Variants in JRK observed in about 807,000 individuals in gnomAD.
JRK encodes jerky protein homolog.
For synonymous variants in JRK, 303 were observed against 218.1 expected (o/e 1.39, Z -3.43); for missense variants, 720 against 509.2 (o/e 1.41, Z -3.98).
Position 142,663,925 on chromosome 8 carries a change from AG to A in JRK, c.*426del. 1.0e-6 allele frequency: 1 copy of A among 998,886 alleles called. No individual in the cohort carries two copies. The highest frequency in any genetic ancestry group is 1.2e-6 in the Non-Finnish European group (1 of 839,304). 61.9% of individuals were successfully genotyped at this position (998,886 alleles called of 1,614,324 possible). ...GAGCCTTCTGAGACGAAGCCTGTCC[AG>A]GGGCGGTGGGCATGGCCTCCTGTCG... On this transcript the variant is annotated 3_prime_UTR_variant, in exon 2 of 2. Transcript: ENST00000612905.
At chr8:142,653,374 A>C (rs76511413), downstream of JRK, among the ~76,000 whole-genome samples, 5,353 of 152,174 alleles carry the variant, frequency 0.035, 119 homozygotes, top group Non-Finnish European at 0.053. Context: ...CTAGGATTGG[A>C]CTTTTAAGAT....
chr8:142,651,557 TTTG>T, the JRK span, among the ~76,000 whole-genome samples: 33 of 52,750 alleles, frequency 6.3e-4, no homozygotes, highest in East Asian at 7.9e-3. Flanking sequence ...TTTTTTTTTT[TTTG>T]GTGGGAATTT....
chr8:142,654,243 C>G (rs1296188053), downstream of JRK, among the ~76,000 whole-genome samples: 1 of 152,196 alleles, frequency 6.6e-6, no homozygotes, highest in Non-Finnish European at 1.5e-5. Flanking sequence ...TCTCACACTA[C>G]TCCAACCCTC....
Position 142,662,009 on chromosome 8 carries a change from G to A in JRK, c.*2343C>T, listed in dbSNP as rs1846931692. On this transcript the variant is annotated 3_prime_UTR_variant, in exon 2 of 2. Coordinates refer to ENST00000612905, the MANE Select transcript of JRK (RefSeq NM_003724.4). ...CACTCCAGCAGCGAGCCCAGGTGAGGAGGGGCTGCAGGAGGAGCAGGGCCC... is the reference window on the plus strand; with the variant it reads ...CACTCCAGCAGCGAGCCCAGGTGAGAAGGGGCTGCAGGAGGAGCAGGGCCC... The A allele has an allele frequency of 3.0e-6, 3 of 985,458 alleles. No individual in the cohort carries two copies. Among genetic ancestry groups the A allele is most frequent in the Admixed American group, 6.1e-5 (1 of 16,268 alleles). 61.0% of individuals were successfully genotyped at this position (985,458 alleles called of 1,614,324 possible).
In JRK at chr8:142,660,947, A is replaced by G; in HGVS notation, c.*3405T>C. ...CAACTGATGACAGTCCTCCAACCCCAGCGAGCTGGGGAAGCCGTGGGCAGG... is the reference window on the plus strand; with the variant it reads ...CAACTGATGACAGTCCTCCAACCCCGGCGAGCTGGGGAAGCCGTGGGCAGG... On this transcript the variant is annotated 3_prime_UTR_variant, in exon 2 of 2. Transcript: ENST00000612905. 9.1e-6 allele frequency: 9 copies of G among 985,464 alleles called. No homozygotes were observed. The highest frequency in any genetic ancestry group is 1.1e-5 in the Non-Finnish European group (9 of 829,984). 61.0% of individuals were successfully genotyped at this position (985,464 alleles called of 1,614,324 possible).
At chr8:142,644,614 T>C in the JRK span, among the ~76,000 whole-genome samples, 2 of 152,220 alleles carry the variant, frequency 1.3e-5, no homozygotes, top group African/African-American at 2.4e-5. Context: ...GTTTGTCAAA[T>C]GTCAAAGGTT....
chr8:142,669,285 G>C (rs1296444809), intron 1 of JRK, among the ~76,000 whole-genome samples: 1 of 151,882 alleles, frequency 6.6e-6, no homozygotes, highest in Non-Finnish European at 1.5e-5. Flanking sequence ...GAAGAGGTGA[G>C]CTGGGGGTCA....
rs1847276685 is a variant in JRK at position 142,669,945 on chromosome 8, A to G, written c.-476T>C. On this transcript the variant is annotated 5_prime_UTR_variant, in exon 1 of 2. Transcript: ENST00000612905. ...GACCCTACTCACCCTGCTCACCCGG[A>G]GCAGCCGCCGCCGGCCGGAAGTGCC... is the stretch of plus-strand genomic sequence containing the variant. 6.5e-6 allele frequency: 1 copy of G among 153,408 alleles called. No individual in the cohort carries two copies. The highest frequency in any genetic ancestry group is 1.5e-5 in the Non-Finnish European group (1 of 68,616). 9.5% of individuals were successfully genotyped at this position (153,408 alleles called of 1,614,324 possible).
rs6988393 is a variant in JRK at position 142,659,184 on chromosome 8, G to A, written c.*5168C>T. 0.61 allele frequency: 783,494 copies of A among 1,288,834 alleles called. 241,628 individuals carry two copies. Among genetic ancestry groups the A allele is most frequent in the Admixed American group, 0.68 (20,191 of 29,780 alleles). The allele number at this position is 1,288,834 out of a possible 1,614,324, so 79.8% of individuals were successfully genotyped here. On this transcript the variant is annotated 3_prime_UTR_variant, in exon 2 of 2. Coordinates refer to ENST00000612905, the MANE Select transcript of JRK (RefSeq NM_003724.4). Reference sequence around the variant, plus strand: ...CACTGAGCCTCATGGTCACCCCAGAGGACAGGCCTTCCTTTCACACACATC... The same window carrying A: ...CACTGAGCCTCATGGTCACCCCAGAAGACAGGCCTTCCTTTCACACACATC...
rs1368129335 is a variant in JRK, at chr8:142,663,152, C to T, written c.*1200G>A. On this transcript the variant is annotated 3_prime_UTR_variant, in exon 2 of 2. Coordinates refer to ENST00000612905, the MANE Select transcript of JRK (RefSeq NM_003724.4). ...TGGTCAACAGAGTGAGACCCTGCCT[C>T]AAGAAAAGAAAAGGACAATGCACCT... 1.0e-6 allele frequency: 1 copy of T among 985,044 alleles called. No individual in the cohort carries two copies. Among genetic ancestry groups the T allele is most frequent in the Non-Finnish European group, 1.2e-6 (1 of 829,650 alleles). 61.0% of individuals were successfully genotyped at this position (985,044 alleles called of 1,614,324 possible).
the JRK span, among the ~76,000 whole-genome samples, chr8:142,650,591 T>C: frequency 6.6e-6 from 1 of 152,252 alleles, no homozygotes; most frequent in Non-Finnish European, 1.5e-5. Context: ...GGAGTTTCTC[T>C]GCACAAACTC....
Position 142,669,383 on chromosome 8 carries a change from C to T in JRK, c.-463+549G>A, listed in dbSNP as rs72690913. Among the ~76,000 whole-genome samples, 869 of 152,152 alleles carry T rather than the reference C, an allele frequency of 5.7e-3. 5 individuals carry two copies. Among genetic ancestry groups the T allele is most frequent in the Non-Finnish European group, 7.2e-3 (488 of 67,990 alleles). ...AGCGCCCGAGAGCCGGCGCCGAGTT[C>T]CGCTAGGAGCCCTCCACGCTGGGGG... On this transcript the variant is annotated intron_variant, in intron 1 of 1. Transcript: ENST00000612905.
At chr8:142,653,461 C>T (rs138963039), downstream of JRK, among the ~76,000 whole-genome samples, 155 of 152,256 alleles carry the variant, frequency 1.0e-3, no homozygotes, top group Non-Finnish European at 1.7e-3. Context: ...GTGGCCTTGA[C>T]CTCCTGGGCT....
chr8:142,652,749 C>A (rs955311531), downstream of JRK, among the ~76,000 whole-genome samples: 2 of 152,154 alleles, frequency 1.3e-5, no homozygotes, highest in African/African-American at 4.8e-5. Context: ...TTTCCTTTCA[C>A]ATAATCAATT....
the JRK span, among the ~76,000 whole-genome samples, chr8:142,644,417 C>G: frequency 6.6e-6 from 1 of 152,090 alleles, no homozygotes; most frequent in Non-Finnish European, 1.5e-5. Context: ...GGAACACATA[C>G]CAATAACATA....
Position 142,660,541 on chromosome 8 carries a change from A to G in JRK, c.*3811T>C. The G allele has an allele frequency of 2.8e-6, 2 of 701,966 alleles. No homozygotes were observed. The highest frequency in any genetic ancestry group is 3.5e-6 in the Non-Finnish European group (2 of 572,196). 43.5% of individuals were successfully genotyped at this position (701,966 alleles called of 1,614,324 possible). ...CGGCCTCCTGAGTAGCTGGGGTTAC[A>G]GGCACATGCCACCACACCTGGCTCA... On this transcript the variant is annotated 3_prime_UTR_variant, in exon 2 of 2. Coordinates refer to ENST00000612905, the MANE Select transcript of JRK (RefSeq NM_003724.4).
In JRK at chr8:142,660,801, G is replaced by T. The variant is rs1846891313; in HGVS notation, c.*3551C>A. 1.0e-6 allele frequency: 1 copy of T among 985,492 alleles called. No individual in the cohort carries two copies. The highest frequency in any genetic ancestry group is 1.2e-6 in the Non-Finnish European group (1 of 830,004). The allele number at this position is 985,492 out of a possible 1,614,324, so 61.0% of individuals were successfully genotyped here. On this transcript the variant is annotated 3_prime_UTR_variant, in exon 2 of 2. Transcript: ENST00000612905. The stretch of plus-strand genomic sequence containing the variant: ...CAAGTTGTCGCTGCCCTGTGCCACA[G>T]CCTCCCAAGAATGGATGCAGTCTAC...
At chr8:142,649,995 C>T in the JRK span, among the ~76,000 whole-genome samples, 4,844 of 152,342 alleles carry the variant, frequency 0.032, 223 homozygotes, top group African/African-American at 0.11. Context: ...CCTGTAAAAC[C>T]ACAGGGGCGG....
At chr8:142,654,695 G>C (rs1361169192), downstream of JRK, among the ~76,000 whole-genome samples, 1 of 151,928 alleles carries the variant, frequency 6.6e-6, no homozygotes, top group Non-Finnish European at 1.5e-5. Context: ...AGCCAGTGCA[G>C]GTGCCACCTG....
Sources: gnomAD v4.1 joint callset for allele counts (sites outside exome capture counted in the v4.1 genomes callset) on GRCh38, gnomAD v4.1.1 for gene constraint, MANE v1.5 for transcripts, NCBI Gene and HGNC (gene_info 2026-07-23, HGNC 2026-07-21) for gene names.